The following TTLL5 variants were observed in gnomAD, a reference collection of about 807,000 sequenced individuals.
The protein encoded by TTLL5 is tubulin polyglutamylase TTLL5.
Under a neutral mutation model 168.4 loss-of-function variants are expected in TTLL5, and 132 were observed. That is an observed-to-expected ratio of 0.78 (90% CI 0.68 to 0.91). The LOEUF is 0.91. Ranked by LOEUF, TTLL5 falls within the 40% of genes least tolerant of loss-of-function variation. The probability of loss-of-function intolerance (pLI) is 0.00; values close to 1 mark genes in which losing one functional copy is unlikely to be tolerated. For synonymous variants in TTLL5, 546 were observed against 558.6 expected (o/e 0.98, Z 0.32); for missense variants, 1,545 against 1,581.5 (o/e 0.98, Z 0.39).
intron 31 of TTLL5, among the ~76,000 whole-genome samples, chr14:75,948,107 C>T (rs931905462): frequency 2.6e-5 from 4 of 152,138 alleles, no homozygotes; most frequent in Admixed American, 2.0e-4. Flanking sequence ...TCAAACACTA[C>T]ATTCCTTGAC....
At chr14:75,743,527 G>T (rs995569210) in intron 15 of TTLL5, among the ~76,000 whole-genome samples, 6 of 150,322 alleles carry the variant, frequency 4.0e-5, no homozygotes, top group African/African-American at 1.5e-4. Context: ...ACACATACTA[G>T]CTGGGGTCTG....
At chr14:75,757,707 C>T in intron 18 of TTLL5, 4 of 699,550 alleles carry the variant, frequency 5.7e-6, no homozygotes, top group Non-Finnish European at 8.6e-6. Context: ...CAAAGATGCC[C>T]TCCTTGGCCT....
intron 31 of TTLL5, chr14:75,904,138 C>T (rs1193518938): frequency 7.9e-7 from 1 of 1,273,460 alleles, no homozygotes; most frequent in Admixed American, 2.4e-5. Context: ...ATGTGTTCTC[C>T]ACTGAACATT....
Position 75,886,856 on chromosome 14 carries a change from T to G in TTLL5, c.3740+3954T>G, listed in dbSNP as rs746142421. ...CCAGAATCATACTCTCCAGGAAATA[T>G]GGAGAAAGAAACCTGAGGAGATTGA... On this transcript the variant is annotated intron_variant, in intron 30 of 31. Transcript: ENST00000298832. The G allele has an allele frequency of 4.6e-6, 7 of 1,510,600 alleles. No individual in the cohort carries two copies. In the African/African-American group the frequency reaches 8.4e-5, roughly 18 times the overall value. 93.6% of individuals were successfully genotyped at this position (1,510,600 alleles called of 1,614,324 possible).
rs377423505 is a variant in TTLL5 at position 75,844,624 on chromosome 14, G to A, written c.3327-19043G>A. On this transcript the variant is annotated intron_variant, in intron 28 of 31. Coordinates refer to ENST00000298832, the MANE Select transcript of TTLL5 (RefSeq NM_015072.5). ...ACCTGTCTCAACAGGTTGCTATGAA[G>A]GCTAACAAAGATAAGGCATATAAAG... 3.9e-5 allele frequency among the ~76,000 whole-genome samples: 6 copies of A among 152,234 alleles called. No homozygotes were observed. The East Asian group carries it at 1.2e-3, about 29-fold the overall frequency.
At chr14:75,736,214 C>G (rs958658963) in intron 15 of TTLL5, among the ~76,000 whole-genome samples, 27 of 152,030 alleles carry the variant, frequency 1.8e-4, no homozygotes, top group African/African-American at 6.5e-4. Context: ...CCCATTTTCT[C>G]TTTCCTTTTC....
chr14:75,829,116 G>A lies in TTLL5; in HGVS notation c.3326+8955G>A, dbSNP rs142151154. ...CCTTTTCTTAAGTGGTGAGAGTTCC[G>A]AGGAGAAATTTATCACTCTGGCTGG... On this transcript the variant is annotated intron_variant, in intron 28 of 31. Coordinates refer to ENST00000298832, the MANE Select transcript of TTLL5 (RefSeq NM_015072.5). Among the ~76,000 whole-genome samples, 1,125 of 152,290 alleles carry A rather than the reference G, an allele frequency of 7.4e-3. 17 individuals carry two copies. Among genetic ancestry groups the A allele is most frequent in the African/African-American group, 0.026 (1,068 of 41,564 alleles).
intron 31 of TTLL5, among the ~76,000 whole-genome samples, chr14:75,912,882 A>G (rs1412832911): frequency 1.3e-5 from 2 of 152,220 alleles, no homozygotes; most frequent in Non-Finnish European, 2.9e-5. Context: ...ATATTATAGT[A>G]CACGTCAATG....
chr14:75,949,810 G>A (rs112650163), intron 31 of TTLL5, among the ~76,000 whole-genome samples: 40 of 150,790 alleles, frequency 2.7e-4, no homozygotes, highest in East Asian at 1.6e-3. Context: ...AGATCACACC[G>A]CTGCACTCCA....
Position 75,750,406 on chromosome 14 carries a change from AACATGGATTTGAAGTAAAATTAT to A in TTLL5, c.1488-2477_1488-2455del, listed in dbSNP as rs1453889172. ...AGTACCAAACAGTTGACCCTTAAGC[AACATGGATTTGAAGTAAAATTAT>A]ACATGGATTCTCTTCTACCTCTGCC... On this transcript the variant is annotated intron_variant, in intron 17 of 31. Coordinates refer to ENST00000298832, the MANE Select transcript of TTLL5 (RefSeq NM_015072.5). Among the ~76,000 whole-genome samples the A allele has an allele frequency of 3.3e-5, 5 of 151,672 alleles. No individual in the cohort carries two copies. The East Asian group carries it at 7.7e-4, about 23-fold the overall frequency.
At chr14:75,726,601 CTG>C (rs1228649243) in intron 12 of TTLL5, among the ~76,000 whole-genome samples, 4 of 152,114 alleles carry the variant, frequency 2.6e-5, no homozygotes, top group African/African-American at 9.7e-5. Context: ...GATTTACTAG[CTG>C]TGCCTAGGGG....
At chr14:75,934,862 G>T (rs1357207944) in intron 31 of TTLL5, among the ~76,000 whole-genome samples, 1 of 152,158 alleles carries the variant, frequency 6.6e-6, no homozygotes, top group Non-Finnish European at 1.5e-5. Flanking sequence ...CTGGGTTCCG[G>T]GTGAGCATGC....
chr14:75,915,721 A>G (rs532582220), intron 31 of TTLL5, among the ~76,000 whole-genome samples: 114 of 152,372 alleles, frequency 7.5e-4, no homozygotes, highest in Middle Eastern at 3.4e-3. Flanking sequence ...AAGATATGCA[A>G]ATAACTAATA....
intron 26 of TTLL5, among the ~76,000 whole-genome samples, chr14:75,785,477 C>G (rs1488584314): frequency 6.6e-6 from 1 of 152,176 alleles, no homozygotes; most frequent in South Asian, 2.1e-4. Context: ...CTGCGCCCGG[C>G]CCCTCCTATG....
chr14:75,811,156 A>AGAGCGTGT (rs60194482), intron 27 of TTLL5, among the ~76,000 whole-genome samples: 1 of 116,532 alleles, frequency 8.6e-6, no homozygotes, highest in Non-Finnish European at 1.7e-5. Context: ...TGAAAGAAAG[A>AGAGCGTGT]GTGTGTGTGT....
At chr14:75,860,904 GTCAC>G (rs2029923872) in intron 28 of TTLL5, among the ~76,000 whole-genome samples, 1 of 152,080 alleles carries the variant, frequency 6.6e-6, no homozygotes, top group Non-Finnish European at 1.5e-5. Flanking sequence ...CTGTTTTACT[GTCAC>G]TCAGCACCCT....
At chr14:75,942,476 G>A (rs954305287) in intron 31 of TTLL5, among the ~76,000 whole-genome samples, 1 of 152,116 alleles carries the variant, frequency 6.6e-6, no homozygotes, top group Non-Finnish European at 1.5e-5. Flanking sequence ...ACTTAAGAGT[G>A]TAGCAGTGAA....
At chr14:75,784,815 T>G (rs528751856) in intron 26 of TTLL5, among the ~76,000 whole-genome samples, 1 of 152,236 alleles carries the variant, frequency 6.6e-6, no homozygotes, top group Admixed American at 6.5e-5. Flanking sequence ...TTTGTGGTTA[T>G]GATTTGCATT....
intron 29 of TTLL5, among the ~76,000 whole-genome samples, chr14:75,871,379 C>T (rs542290442): frequency 6.6e-6 from 1 of 152,222 alleles, no homozygotes; most frequent in African/African-American, 2.4e-5. Flanking sequence ...CACACAGCTG[C>T]CTGATTGTGG....
Sources: allele counts gnomAD v4.1 joint callset (sites outside exome capture counted in the v4.1 genomes callset), GRCh38; gene constraint gnomAD v4.1.1; transcripts MANE v1.5; gene names NCBI Gene and HGNC (gene_info 2026-07-23, HGNC 2026-07-21).